CDH9: variants seen among roughly 807,000 people sequenced by gnomAD.
CDH9 encodes cadherin 9, also known as cadherin-9.
In CDH9, 28 loss-of-function variants were observed where a neutral mutation model predicts 70.9. That is an observed-to-expected ratio of 0.40 (90% CI 0.29 to 0.54). CDH9 has a LOEUF of 0.54. CDH9 is among the 20% of genes least tolerant of loss of function. The pLI is 0.59. For missense variants in CDH9, 874 were observed against 984.4 expected (o/e 0.89, Z 1.50); for synonymous variants, 409 against 343.1 (o/e 1.19, Z -2.12).
intron 7 of CDH9, among the ~76,000 whole-genome samples, chr5:26,895,282 A>G (rs1740729763): frequency 6.6e-6 from 1 of 152,072 alleles, no homozygotes; most frequent in South Asian, 2.1e-4. Flanking sequence ...GACATTATTT[A>G]TAATTTCATT....
intron 2 of CDH9, among the ~76,000 whole-genome samples, chr5:26,926,321 T>C (rs1741338493): frequency 6.6e-6 from 1 of 152,106 alleles, no homozygotes; most frequent in Admixed American, 6.5e-5. Context: ...AGACAAATCA[T>C]GAGTGAACTC....
At position 26,938,481 on chromosome 5, in the gene CDH9, A is replaced by G. The variant is rs1023598540; in HGVS notation, c.229-22557T>C. Among the ~76,000 whole-genome samples the G allele has an allele frequency of 2.6e-5, 4 of 152,040 alleles. No individual in the cohort carries two copies. The South Asian group carries it at 6.2e-4, about 24-fold the overall frequency. On this transcript the variant is annotated intron_variant, in intron 2 of 11. Transcript: ENST00000231021. Reference sequence around the variant, plus strand: ...ATACTATATATATAATAGAAAAGCTATAGTTAAGTAAATTTTTAAAAATCG... The same window carrying G: ...ATACTATATATATAATAGAAAAGCTGTAGTTAAGTAAATTTTTAAAAATCG...
At chr5:26,903,616 A>G (rs370168476) in intron 6 of CDH9, 21 bp downstream of exon 6, 129 of 1,500,426 alleles carry the variant, frequency 8.6e-5, no homozygotes, top group African/African-American at 1.9e-4. Context: ...CAATGAAAAG[A>G]TGAAGACAGT....
At chr5:27,030,318 T>C (rs1743290456) in intron 1 of CDH9, among the ~76,000 whole-genome samples, 2 of 149,600 alleles carry the variant, frequency 1.3e-5, no homozygotes, top group Admixed American at 1.3e-4. Context: ...AGTTTCCACA[T>C]CTAAGGAGTT....
chr5:26,985,728 C>T (rs1457816261), intron 2 of CDH9, among the ~76,000 whole-genome samples: 1 of 152,032 alleles, frequency 6.6e-6, no homozygotes, highest in Non-Finnish European at 1.5e-5. Context: ...TACGACAGGC[C>T]TTTTCTTTAC....
intron 2 of CDH9, among the ~76,000 whole-genome samples, chr5:26,965,608 T>G (rs1481032895): frequency 6.7e-6 from 1 of 149,070 alleles, no homozygotes; most frequent in Non-Finnish European, 1.5e-5. Context: ...ATAATAAATA[T>G]TTCTCTTTAA....
At chr5:27,013,645 C>CA (rs1354082848) in intron 1 of CDH9, among the ~76,000 whole-genome samples, 1 of 151,810 alleles carries the variant, frequency 6.6e-6, no homozygotes, top group Non-Finnish European at 1.5e-5. Context: ...AAAATGAAGA[C>CA]AAGAATCCAC....
chr5:27,018,027 T>C (rs116697686), intron 1 of CDH9, among the ~76,000 whole-genome samples: 3,309 of 152,004 alleles, frequency 0.022, 132 homozygotes, highest in African/African-American at 0.075. Context: ...CTATTCAGCA[T>C]AGTAAAAACA....
At chr5:26,926,584 A>G (rs1273972948) in intron 2 of CDH9, among the ~76,000 whole-genome samples, 7 of 151,916 alleles carry the variant, frequency 4.6e-5, no homozygotes, top group Non-Finnish European at 1.0e-4. Flanking sequence ...AGAATTGGAA[A>G]AAAAAACTAC....
At chr5:26,951,291 CAAA>C (rs796799417) in intron 2 of CDH9, among the ~76,000 whole-genome samples, 29 of 86,186 alleles carry the variant, frequency 3.4e-4, no homozygotes, top group African/African-American at 1.5e-3. Context: ...GACTCTGTCT[CAAA>C]AAAAAAAAAA....
chr5:26,987,411 T>C (rs972941369), intron 2 of CDH9, among the ~76,000 whole-genome samples: 1 of 151,902 alleles, frequency 6.6e-6, no homozygotes, highest in East Asian at 1.9e-4. Context: ...TTATGGATGT[T>C]GGAAAGGTCA....
chr5:26,965,574 T>TTGATAA (rs150541530), intron 2 of CDH9, among the ~76,000 whole-genome samples: 1 of 146,734 alleles, frequency 6.8e-6, no homozygotes, highest in African/African-American at 2.5e-5. Context: ...AGACTCTGTC[T>TTGATAA]TAATAATAAT....
chr5:26,988,456 C>T (rs1428086691), intron 1 of CDH9, 74 bp from the exon 2 acceptor site: 17 of 1,260,060 alleles, frequency 1.3e-5, no homozygotes, highest in Middle Eastern at 2.7e-4. Flanking sequence ...AACTGAAATA[C>T]TTATTCCAGA....
In CDH9 at chr5:26,885,705, C is replaced by T; in HGVS notation, c.1791G>A (p.Met597Ile). The T allele has an allele frequency of 1.2e-6, 2 of 1,613,604 alleles. No homozygotes were observed. The highest frequency in any genetic ancestry group is 1.1e-5 in the South Asian group (1 of 91,054). ...TCAGGGCTTCTGCGGTGCAGGATTG[C>T]ATGTTTCCTTGATTATCGCAGGCAC... ...RVCACDNQGN[M>I]QSCTAEALIL... The change falls in exon 11 of 12, where the codon ATG becomes ATA. Residue 597 changes from methionine (M) to isoleucine (I), a missense_variant. Transcript: ENST00000231021.
At chr5:26,975,868 G>A (rs1019450512) in intron 2 of CDH9, among the ~76,000 whole-genome samples, 5 of 152,166 alleles carry the variant, frequency 3.3e-5, no homozygotes, top group Non-Finnish European at 7.3e-5. Context: ...CTCAAACAGA[G>A]AGAAGCAATA....
At chr5:27,001,844 A>ACTCTCTCTCTCTCTCTCTCT (rs141271541) in intron 1 of CDH9, among the ~76,000 whole-genome samples, 19 of 141,996 alleles carry the variant, frequency 1.3e-4, no homozygotes, top group African/African-American at 4.7e-4. Context: ...ACACACACAC[A>ACTCTCTCTCTCTCTCTCTCT]CTCTCTCTCT....
intron 2 of CDH9, among the ~76,000 whole-genome samples, chr5:26,985,904 T>C (rs1742480240): frequency 6.6e-6 from 1 of 152,076 alleles, no homozygotes; most frequent in East Asian, 1.9e-4. Flanking sequence ...TTAGCCACTA[T>C]ATATGCAAAT....
intron 1 of CDH9, among the ~76,000 whole-genome samples, chr5:26,997,706 A>G (rs1230964143): frequency 6.7e-6 from 1 of 148,190 alleles, no homozygotes; most frequent in Non-Finnish European, 1.5e-5. Flanking sequence ...ACAAATGGTA[A>G]TTTTTTTTTT....
intron 1 of CDH9, among the ~76,000 whole-genome samples, chr5:27,015,786 T>G (rs1743037058): frequency 6.6e-6 from 1 of 151,774 alleles, no homozygotes; most frequent in Non-Finnish European, 1.5e-5. Context: ...CAGAGCTGTC[T>G]TTTATAATAG....
Sources: allele counts gnomAD v4.1 joint callset (sites outside exome capture counted in the v4.1 genomes callset), GRCh38; gene constraint gnomAD v4.1.1; transcripts MANE v1.5; gene names NCBI Gene and HGNC (gene_info 2026-07-23, HGNC 2026-07-21).